Variants in SPSB4 observed in about 807,000 individuals in gnomAD.
The protein encoded by SPSB4 is SPRY domain-containing SOCS box protein 4.
A neutral mutation model predicts 20.9 loss-of-function variants in SPSB4; 21 were observed. The observed-to-expected ratio is 1.01, with a 90% CI of 0.71 to 1.45. The LOEUF is 1.45. Among genes scored for constraint, SPSB4 ranks in the 40% most tolerant of loss-of-function variants. The pLI, the probability that SPSB4 is intolerant of heterozygous loss-of-function variation, is 0.00. For missense variants in SPSB4, 399 were observed against 399.2 expected, an observed-to-expected ratio of 1.00 and a Z score of 0.00; for synonymous variants, 207 against 183.8, an observed-to-expected ratio of 1.13 and a Z score of -1.02.
At chr3:141,085,065 T>C (rs1200671210) in intron 2 of SPSB4, among the ~76,000 whole-genome samples, 7 of 152,134 alleles carry the variant, frequency 4.6e-5, no homozygotes, top group East Asian at 1.9e-4. Flanking sequence ...AGCCGAGTCT[T>C]GGAGGATGGG....
chr3:141,092,610 G>T (rs1938476053), intron 2 of SPSB4, among the ~76,000 whole-genome samples: 1 of 152,214 alleles, frequency 6.6e-6, no homozygotes, highest in Non-Finnish European at 1.5e-5. Context: ...CCTTTGCCCA[G>T]ACACCCCTTC....
rs1240068291 is a variant in SPSB4, at chr3:141,147,689, A to C, written c.*420A>C. 5.9e-6 allele frequency: 1 copy of C among 168,422 alleles called. No homozygotes were observed. The highest frequency in any genetic ancestry group is 2.4e-5 in the African/African-American group (1 of 42,138). 10.4% of individuals were successfully genotyped at this position (168,422 alleles called of 1,614,324 possible). Reference sequence around the variant, plus strand: ...GGAGAAATTAGCCAGTGCAGGGGGAAAATTGCCTCTGAATAATGAATGATG... The same window carrying C: ...GGAGAAATTAGCCAGTGCAGGGGGACAATTGCCTCTGAATAATGAATGATG... On this transcript the variant is annotated 3_prime_UTR_variant, in exon 3 of 3. Coordinates refer to ENST00000310546, the MANE Select transcript of SPSB4 (RefSeq NM_080862.3).
Position 141,066,001 on chromosome 3 carries a change from C to A in SPSB4, c.-104C>A. On this transcript the variant is annotated 5_prime_UTR_variant, in exon 2 of 3. Transcript: ENST00000310546. ...GGTAGAGGCTGTGGAGGTCTACCGTCCGGAAGCCTGGTTCCCAGCCCCGTG... is the reference window on the plus strand; with the variant it reads ...GGTAGAGGCTGTGGAGGTCTACCGTACGGAAGCCTGGTTCCCAGCCCCGTG... 2 of 1,102,954 alleles carry A rather than the reference C, an allele frequency of 1.8e-6. No homozygotes were observed. Among genetic ancestry groups the A allele is most frequent in the Non-Finnish European group, 1.2e-6 (1 of 817,280 alleles). The allele number at this position is 1,102,954 out of a possible 1,614,324, so 68.3% of individuals were successfully genotyped here.
intron 2 of SPSB4, among the ~76,000 whole-genome samples, chr3:141,116,138 C>A (rs1320914315): frequency 6.6e-6 from 1 of 152,152 alleles, no homozygotes; most frequent in African/African-American, 2.4e-5. Context: ...AAACAGGAGT[C>A]AACTGTGCCA....
intron 1 of SPSB4, among the ~76,000 whole-genome samples, chr3:141,064,803 C>T (rs2107777958): frequency 6.6e-6 from 1 of 152,292 alleles, no homozygotes; most frequent in African/African-American, 2.4e-5. Context: ...CAGGGCCCGT[C>T]CAAGTAGTCC....
At chr3:141,057,416 C>G (rs772968155) in intron 1 of SPSB4, among the ~76,000 whole-genome samples, 2 of 152,236 alleles carry the variant, frequency 1.3e-5, no homozygotes, top group Non-Finnish European at 2.9e-5. Context: ...AATAAATAGT[C>G]TGAGCTCACA....
intron 2 of SPSB4, among the ~76,000 whole-genome samples, chr3:141,085,308 A>G (rs762703215): frequency 1.8e-4 from 28 of 152,214 alleles, no homozygotes; most frequent in Non-Finnish European, 3.4e-4. Flanking sequence ...ATGGGCTTAA[A>G]CAAGAATTTC....
intron 2 of SPSB4, among the ~76,000 whole-genome samples, chr3:141,097,674 G>A (rs184409149): frequency 1.3e-5 from 2 of 152,114 alleles, no homozygotes; most frequent in Non-Finnish European, 2.9e-5. Context: ...GTTCAGTGAG[G>A]AGGAATGGTC....
At chr3:141,130,791 T>G (rs574802701) in intron 2 of SPSB4, among the ~76,000 whole-genome samples, 1 of 152,306 alleles carries the variant, frequency 6.6e-6, no homozygotes, top group African/African-American at 2.4e-5. Context: ...CCCATTTTAT[T>G]GATAGCTAAA....
chr3:141,096,718 T>C (rs146526552), intron 2 of SPSB4, among the ~76,000 whole-genome samples: 1 of 152,252 alleles, frequency 6.6e-6, no homozygotes, highest in African/African-American at 2.4e-5. Flanking sequence ...CATGTAACTG[T>C]GATCCAAGTT....
intron 2 of SPSB4, among the ~76,000 whole-genome samples, chr3:141,091,732 G>A (rs57013413): frequency 0.11 from 16,344 of 152,188 alleles, 1,775 homozygotes; most frequent in African/African-American, 0.28. Flanking sequence ...TTTGCCAGCA[G>A]TAATGTGGAC....
intron 2 of SPSB4, among the ~76,000 whole-genome samples, chr3:141,141,751 A>G (rs1054085737): frequency 1.3e-5 from 2 of 152,004 alleles, no homozygotes; most frequent in Admixed American, 6.5e-5. Context: ...CGGAATTTCT[A>G]TTTCTTCCTG....
intron 2 of SPSB4, among the ~76,000 whole-genome samples, chr3:141,142,603 C>CTT (rs770554067): frequency 6.6e-6 from 1 of 152,080 alleles, no homozygotes; most frequent in African/African-American, 2.4e-5. Flanking sequence ...TTTGTTGACT[C>CTT]TGTCTTGGTG....
At chr3:141,110,918 G>T (rs1346715749) in intron 2 of SPSB4, among the ~76,000 whole-genome samples, 1 of 152,200 alleles carries the variant, frequency 6.6e-6, no homozygotes, top group African/African-American at 2.4e-5. Context: ...AGATCCCACG[G>T]CTCCAAAGTG....
At chr3:141,092,542 G>A (rs1459681879) in intron 2 of SPSB4, among the ~76,000 whole-genome samples, 2 of 152,220 alleles carry the variant, frequency 1.3e-5, no homozygotes, top group African/African-American at 4.8e-5. Context: ...AGGCTGGGAT[G>A]GAACTGGACT....
chr3:141,146,865 C>T (rs1939420213), intron 2 of SPSB4, among the ~76,000 whole-genome samples: 2 of 152,008 alleles, frequency 1.3e-5, no homozygotes, highest in South Asian at 2.1e-4. Context: ...ATGGGTATTG[C>T]TCCCATTTTC....
chr3:141,097,399 C>A (rs1938559586), intron 2 of SPSB4, among the ~76,000 whole-genome samples: 1 of 152,152 alleles, frequency 6.6e-6, no homozygotes, highest in African/African-American at 2.4e-5. Context: ...ACACATTTCC[C>A]ATATTCTGTT....
intron 2 of SPSB4, among the ~76,000 whole-genome samples, chr3:141,103,344 A>G (rs1426151164): frequency 6.6e-6 from 1 of 152,208 alleles, no homozygotes; most frequent in Non-Finnish European, 1.5e-5. Flanking sequence ...CAGTGTGGAC[A>G]CAGAGGGGCC....
chr3:141,093,521 T>C (rs1938494854), intron 2 of SPSB4, among the ~76,000 whole-genome samples: 1 of 152,052 alleles, frequency 6.6e-6, no homozygotes, highest in African/African-American at 2.4e-5. Context: ...TCACAGTGTT[T>C]GAGCTTAGGT....
Sources: allele counts gnomAD v4.1 joint callset (sites outside exome capture counted in the v4.1 genomes callset), GRCh38; gene constraint gnomAD v4.1.1; transcripts MANE v1.5; gene names NCBI Gene and HGNC (gene_info 2026-07-23, HGNC 2026-07-21).